The following CPA6 variants were observed in gnomAD, a reference collection of about 807,000 sequenced individuals.
CPA6 encodes carboxypeptidase B.
A neutral mutation model predicts 63.3 loss-of-function variants in CPA6; 58 were observed. The observed-to-expected ratio is 0.92, with a 90% CI of 0.74 to 1.14. The LOEUF is 1.14. Among genes scored for constraint, CPA6 ranks in the 50% most tolerant of loss-of-function variants. The pLI is 0.00. For synonymous variants in CPA6, 185 were observed against 179.0 expected (o/e 1.03, Z -0.27); for missense variants, 565 against 526.6 (o/e 1.07, Z -0.71).
chr8:67,615,289 C>A (rs1814916106), intron 2 of CPA6, among the ~76,000 whole-genome samples: 1 of 152,136 alleles, frequency 6.6e-6, no homozygotes, highest in South Asian at 2.1e-4. Context: ...AGAAATGGCA[C>A]CAAAGTATGG....
chr8:67,733,435 G>T (rs930797244), intron 1 of CPA6, among the ~76,000 whole-genome samples: 8 of 151,908 alleles, frequency 5.3e-5, no homozygotes, highest in African/African-American at 1.9e-4. Flanking sequence ...CCCACGCGTG[G>T]AAGTTTCTAC....
In CPA6 at chr8:67,459,568, C is replaced by T. The variant is rs768585474; in HGVS notation, c.838+24200G>A. Among the ~76,000 whole-genome samples the T allele has an allele frequency of 1.3e-3, 194 of 152,172 alleles. 2 individuals carry two copies. Among genetic ancestry groups the T allele is most frequent in the Non-Finnish European group, 8.8e-4 (60 of 68,006 alleles). On this transcript the variant is annotated intron_variant, in intron 8 of 10. Coordinates refer to ENST00000297770, the MANE Select transcript of CPA6 (RefSeq NM_020361.5). ...GATGACATTCTGGAAAAGGCAAAAC[C>T]GTGAGGGAAGTAAAAGGATTCATGG...
chr8:67,464,763 C>T (rs563383724), intron 8 of CPA6, among the ~76,000 whole-genome samples: 10 of 152,236 alleles, frequency 6.6e-5, no homozygotes, highest in South Asian at 4.2e-4. Flanking sequence ...TTATTGAATA[C>T]GGAGTCCTAT....
At chr8:67,675,736 G>A (rs1816457772) in intron 1 of CPA6, among the ~76,000 whole-genome samples, 1 of 152,182 alleles carries the variant, frequency 6.6e-6, no homozygotes, top group African/African-American at 2.4e-5. Flanking sequence ...CCCTCAAATC[G>A]CACTGCCTGT....
chr8:67,530,322 C>T (rs910407918), intron 2 of CPA6, among the ~76,000 whole-genome samples: 1 of 151,252 alleles, frequency 6.6e-6, no homozygotes, highest in Non-Finnish European at 1.5e-5. Flanking sequence ...AAAATTAATA[C>T]AAGAAAAATT....
rs952098337 is a variant in CPA6 at position 67,599,308 on chromosome 8, C to A, written c.192+24868G>T. On this transcript the variant is annotated intron_variant, in intron 2 of 10. Transcript: ENST00000297770. ...TTCTGTAAACTTGATGCTTCAACTT[C>A]CACCTTGCATGCACATGCTGGACAT... Among the ~76,000 whole-genome samples the A allele has an allele frequency of 2.6e-5, 4 of 152,190 alleles. No individual in the cohort carries two copies. The East Asian group carries it at 7.7e-4, about 29-fold the overall frequency.
chr8:67,558,939 T>C (rs1212003825), intron 2 of CPA6, among the ~76,000 whole-genome samples: 1 of 152,146 alleles, frequency 6.6e-6, no homozygotes, highest in Non-Finnish European at 1.5e-5. Flanking sequence ...GTCAGTGAAA[T>C]TGGTGAAATC....
At chr8:67,443,662 T>C (rs1810346257) in intron 8 of CPA6, among the ~76,000 whole-genome samples, 1 of 152,112 alleles carries the variant, frequency 6.6e-6, no homozygotes, top group South Asian at 2.1e-4. Flanking sequence ...CACATTTCTC[T>C]TCCCCTCAGT....
At chr8:67,475,792 T>TC (rs577501408) in intron 8 of CPA6, among the ~76,000 whole-genome samples, 16 of 57,348 alleles carry the variant, frequency 2.8e-4, no homozygotes, top group Non-Finnish European at 4.8e-4. Flanking sequence ...TTTCTTTCTT[T>TC]CTTTCTTTCT....
chr8:67,460,213 T>C (rs1165485793), intron 8 of CPA6, among the ~76,000 whole-genome samples: 3 of 152,214 alleles, frequency 2.0e-5, no homozygotes, highest in Non-Finnish European at 4.4e-5. Flanking sequence ...TGGCCCAGCA[T>C]TGTGCTTTGC....
chr8:67,568,186 G>C (rs765123558), intron 2 of CPA6, among the ~76,000 whole-genome samples: 4 of 152,136 alleles, frequency 2.6e-5, no homozygotes, highest in African/African-American at 9.7e-5. Flanking sequence ...GTAAAAGCCA[G>C]GAAAGTTGGC....
chr8:67,705,957 GA>G (rs1333521039), intron 1 of CPA6, among the ~76,000 whole-genome samples: 1 of 152,162 alleles, frequency 6.6e-6, no homozygotes, highest in Non-Finnish European at 1.5e-5. Flanking sequence ...TTTTTGGTAA[GA>G]AAAGTTATAA....
chr8:67,563,398 A>G (rs1280888980), intron 2 of CPA6, among the ~76,000 whole-genome samples: 1 of 152,226 alleles, frequency 6.6e-6, no homozygotes, highest in Non-Finnish European at 1.5e-5. Context: ...TCATATATGT[A>G]AAGAACATGA....
chr8:67,699,799 G>A (rs28651308), intron 1 of CPA6, among the ~76,000 whole-genome samples: 10,506 of 152,058 alleles, frequency 0.069, 593 homozygotes, highest in African/African-American at 0.15. Context: ...ATGTTGGCCA[G>A]GCTGGTCTCA....
intron 2 of CPA6, among the ~76,000 whole-genome samples, chr8:67,526,888 C>T (rs1486376138): frequency 2.6e-5 from 4 of 152,194 alleles, no homozygotes; most frequent in Admixed American, 6.5e-5. Context: ...AGGTTTCTGA[C>T]TCCTACGTTA....
intron 1 of CPA6, among the ~76,000 whole-genome samples, chr8:67,718,401 A>C (rs149532961): frequency 1.8e-3 from 268 of 152,296 alleles, no homozygotes; most frequent in African/African-American, 6.3e-3. Context: ...ATATTATGAA[A>C]ATCTTTCAGG....
intron 2 of CPA6, among the ~76,000 whole-genome samples, chr8:67,596,468 G>A (rs1176597620): frequency 6.6e-6 from 1 of 150,524 alleles, no homozygotes; most frequent in Non-Finnish European, 1.5e-5. Flanking sequence ...TCCCCTTCCT[G>A]CTTTAAACAT....
intron 1 of CPA6, among the ~76,000 whole-genome samples, chr8:67,653,075 G>A (rs2128991678): frequency 6.6e-6 from 1 of 152,158 alleles, no homozygotes; most frequent in East Asian, 1.9e-4. Context: ...ATTTCTGAGG[G>A]CTCTGTTGTG....
intron 2 of CPA6, among the ~76,000 whole-genome samples, chr8:67,587,138 G>A (rs1297373115): frequency 2.6e-5 from 4 of 152,334 alleles, no homozygotes; most frequent in Non-Finnish European, 4.4e-5. Flanking sequence ...ATGTGGATCC[G>A]TAGATTCCAT....
Sources: gnomAD v4.1 joint callset for allele counts (sites outside exome capture counted in the v4.1 genomes callset) on GRCh38, gnomAD v4.1.1 for gene constraint, MANE v1.5 for transcripts, NCBI Gene and HGNC (gene_info 2026-07-23, HGNC 2026-07-21) for gene names.